SI: variants seen among roughly 807,000 people sequenced by gnomAD.
SI encodes the protein sucrase-isomaltase, intestinal.
In SI, 235 loss-of-function variants were observed where a neutral mutation model predicts 253.3. The observed-to-expected ratio is 0.93, with a 90% CI of 0.83 to 1.03. SI has a LOEUF of 1.03. Among genes scored for constraint, SI ranks in the 50% least tolerant of loss-of-function variants. SI has a pLI of 0.00. For missense variants in SI, 2,442 were observed against 2,211.1 expected (o/e 1.10, Z -2.09); for synonymous variants, 819 against 712.0 (o/e 1.15, Z -2.39).
At position 165,011,473 on chromosome 3, in the gene SI, G is replaced by T. The variant is rs148650128; in HGVS notation, c.4062+1507C>A. Among the ~76,000 whole-genome samples, 12 of 151,996 alleles carry T rather than the reference G, an allele frequency of 7.9e-5. No individual in the cohort carries two copies. In the East Asian group the frequency reaches 2.3e-3, roughly 29 times the overall value. ...TTCATTGTGGCTGGGAAAGATAAAT[G>T]GTATGTTTTCTATCTTCTCACAATT... On this transcript the variant is annotated intron_variant, in intron 34 of 47. Transcript: ENST00000264382.
intron 47 of SI, 50 bp downstream of exon 47, chr3:164,982,193 G>A: frequency 7.1e-7 from 1 of 1,401,602 alleles, no homozygotes; most frequent in Non-Finnish European, 1.0e-6. Context: ...AGTCCATGTA[G>A]ATGCTTTAAA....
At chr3:165,046,646 T>A (rs951608034) in intron 16 of SI, among the ~76,000 whole-genome samples, 195 bp downstream of exon 16, 1 of 152,134 alleles carries the variant, frequency 6.6e-6, no homozygotes, top group Non-Finnish European at 1.5e-5. Context: ...TTATTAGTTC[T>A]ACATTCCCAC....
intron 13 of SI, among the ~76,000 whole-genome samples, chr3:165,053,236 A>G (rs1225078347): frequency 6.6e-6 from 1 of 152,060 alleles, no homozygotes; most frequent in Non-Finnish European, 1.5e-5. Context: ...TTCAATGACA[A>G]TTAAGCTCAC....
chr3:165,063,941 G>A (rs960438010), intron 7 of SI, among the ~76,000 whole-genome samples: 20 of 151,030 alleles, frequency 1.3e-4, no homozygotes, highest in African/African-American at 4.1e-4. Flanking sequence ...GTGGTGACAC[G>A]CACCTGTAAT....
the SI span, among the ~76,000 whole-genome samples, chr3:165,089,627 A>G: frequency 6.6e-6 from 1 of 152,082 alleles, no homozygotes; most frequent in African/African-American, 2.4e-5. Context: ...TTAAACAACT[A>G]CTTAATATTT....
chr3:165,070,807 CTT>C (rs1282521050), intron 3 of SI, among the ~76,000 whole-genome samples: 2 of 151,998 alleles, frequency 1.3e-5, no homozygotes, highest in African/African-American at 4.8e-5. Flanking sequence ...GAAAAGGTGA[CTT>C]AAAGCAACAG....
At chr3:165,058,859 TACACAC>T (rs138742044) in intron 12 of SI, 98 bp downstream of exon 12, 30 of 639,434 alleles carry the variant, frequency 4.7e-5, no homozygotes, top group Admixed American at 2.6e-4. Flanking sequence ...AAAGCAGACA[TACACAC>T]ACACACACAC....
rs1714817674 is a variant in SI, at chr3:165,074,531, C to T, written c.255G>A (p.Glu85=). The change falls in exon 3 of 48, where the codon GAG becomes GAA. Residue 85 remains glutamate, a splice_region_variant and synonymous_variant. Coordinates refer to ENST00000264382, the MANE Select transcript of SI (RefSeq NM_001041.4). ...AATATTAAAGACTTTTGCTGCAGAC[C>T]TCTGTTGGGAATTGTTCTGGAATGC... ...INCIPEQFPT[E]GICAQRGCCW... 1.3e-6 allele frequency: 2 copies of T among 1,597,788 alleles called. No individual in the cohort carries two copies. Among genetic ancestry groups the T allele is most frequent in the South Asian group, 2.3e-5 (2 of 88,418 alleles).
At chr3:165,083,956 C>T in the SI span, among the ~76,000 whole-genome samples, 1 of 151,952 alleles carries the variant, frequency 6.6e-6, no homozygotes, top group African/African-American at 2.4e-5. Flanking sequence ...GTCAAATCTG[C>T]ATTTTTGAAA....
intron 2 of SI, 76 bp from the exon 3 acceptor site, chr3:165,074,743 CT>C (rs150644450): frequency 8.0e-7 from 1 of 1,248,142 alleles, no homozygotes; most frequent in East Asian, 2.4e-5. Context: ...GTAATAAGTA[CT>C]TTTTGAAAGA....
At chr3:165,015,328 T>G in intron 32 of SI, 95 bp from the exon 33 acceptor site, 1 of 797,976 alleles carries the variant, frequency 1.3e-6, no homozygotes, top group Non-Finnish European at 2.2e-6. Context: ...TACTACATTA[T>G]CATAATAATG....
At chr3:165,051,688 A>C (rs542991205) in intron 13 of SI, among the ~76,000 whole-genome samples, 2 of 152,156 alleles carry the variant, frequency 1.3e-5, no homozygotes, top group East Asian at 3.9e-4. Context: ...TATATAATAT[A>C]GTTGAGGAAT....
chr3:165,072,133 A>G (rs1398551977), intron 3 of SI, among the ~76,000 whole-genome samples: 1 of 152,128 alleles, frequency 6.6e-6, no homozygotes, highest in African/African-American at 2.4e-5. Context: ...ATCCTCATGT[A>G]TATGAAAACC....
In SI at chr3:165,019,772, T is replaced by A. The variant is rs200479964; in HGVS notation, c.3255-2A>T. ...AATCCAGGCAGCCAAGAATCCCAAC[T>A]GAAAACAAAAGAAAACAAAGCTATG... On this transcript the variant is annotated splice_acceptor_variant, in intron 27 of 47. Coordinates refer to ENST00000264382, the MANE Select transcript of SI (RefSeq NM_001041.4). LOFTEE classifies it high-confidence loss of function. 1 of 1,611,688 alleles carries A rather than the reference T, an allele frequency of 6.2e-7. No homozygotes were observed. Among genetic ancestry groups the A allele is most frequent in the Non-Finnish European group, 8.5e-7 (1 of 1,178,356 alleles).
intron 27 of SI, among the ~76,000 whole-genome samples, chr3:165,020,366 G>C (rs537086291): frequency 6.6e-6 from 1 of 151,816 alleles, no homozygotes; most frequent in South Asian, 2.1e-4. Flanking sequence ...AGGAAGGAAA[G>C]TAACATGGGC....
chr3:165,022,651 G>A (rs563457870), intron 26 of SI, among the ~76,000 whole-genome samples: 41 of 149,566 alleles, frequency 2.7e-4, no homozygotes, highest in Non-Finnish European at 4.6e-4. Context: ...GTGCCGTCTC[G>A]TTTCAATAAA....
chr3:164,987,658 G>A (rs913646446), intron 44 of SI, among the ~76,000 whole-genome samples: 6 of 152,088 alleles, frequency 3.9e-5, no homozygotes, highest in Admixed American at 6.5e-5. Context: ...CCAGTGAGCC[G>A]AGATTGCACC....
rs1711551803 is a variant in SI at position 165,020,605 on chromosome 3, T to C, written c.3254+624A>G. On this transcript the variant is annotated intron_variant, in intron 27 of 47. Coordinates refer to ENST00000264382, the MANE Select transcript of SI (RefSeq NM_001041.4). The stretch of plus-strand genomic sequence containing the variant: ...AATCCAGATATAGTTTTAGATATTA[T>C]TTGTACATATCTTGACAATACCAGA... 2.0e-5 allele frequency among the ~76,000 whole-genome samples: 3 copies of C among 151,762 alleles called. No homozygotes were observed. In the South Asian group the frequency reaches 6.2e-4, roughly 31 times the overall value.
At chr3:165,031,786 TAC>T (rs1249447198) in intron 24 of SI, among the ~76,000 whole-genome samples, 2 of 151,056 alleles carry the variant, frequency 1.3e-5, no homozygotes, top group African/African-American at 4.8e-5. Flanking sequence ...TTTTAAATAC[TAC>T]AGTCTCTTTT....
Sources: gnomAD v4.1 joint callset for allele counts (sites outside exome capture counted in the v4.1 genomes callset) on GRCh38, gnomAD v4.1.1 for gene constraint, MANE v1.5 for transcripts, NCBI Gene and HGNC (gene_info 2026-07-23, HGNC 2026-07-21) for gene names.